The following MEIOB variants were observed in gnomAD, a reference collection of about 807,000 sequenced individuals.
The protein encoded by MEIOB is meiosis-specific with OB domain-containing protein.
MEIOB carries 50 observed loss-of-function variants against 53.1 expected under a neutral mutation model. The observed-to-expected ratio is 0.94, with a 90% CI of 0.75 to 1.19. MEIOB has a LOEUF of 1.19. Among genes scored for constraint, MEIOB ranks in the 50% most tolerant of loss-of-function variants. The pLI is 0.00. For missense variants in MEIOB, 551 were observed against 550.8 expected (o/e 1.00, Z 0.00); for synonymous variants, 192 against 182.5 (o/e 1.05, Z -0.42).
chr16:1,849,389 C>A (rs1899102654), intron 9 of MEIOB, among the ~76,000 whole-genome samples: 3 of 151,750 alleles, frequency 2.0e-5, no homozygotes, highest in African/African-American at 7.3e-5. Context: ...CTAAAAAATA[C>A]AAAAAAATTA....
chr16:1,846,062 T>C (rs1281668258), intron 9 of MEIOB, among the ~76,000 whole-genome samples: 1 of 152,220 alleles, frequency 6.6e-6, no homozygotes, highest in African/African-American at 2.4e-5. Context: ...CTCACATCCA[T>C]CTGACCAGCC....
chr16:1,836,428 G>A (rs1898750479), intron 13 of MEIOB, among the ~76,000 whole-genome samples: 1 of 152,202 alleles, frequency 6.6e-6, no homozygotes, highest in Non-Finnish European at 1.5e-5. Context: ...AGCAAGTGGT[G>A]CCTCCTGTCT....
At chr16:1,865,926 C>G in intron 2 of MEIOB, 91 bp from the exon 3 acceptor site, 5 of 806,362 alleles carry the variant, frequency 6.2e-6, no homozygotes, top group Non-Finnish European at 9.7e-6. Context: ...TTTACTGGCT[C>G]TAACAAACAT....
chr16:1,839,557 T>A (rs543625746), intron 11 of MEIOB, 119 bp from the exon 12 acceptor site: 1 of 857,728 alleles, frequency 1.2e-6, no homozygotes, highest in Non-Finnish European at 1.8e-6. Context: ...TTACTGAGTG[T>A]TCAGTGCTAT....
chr16:1,834,222 T>C lies in MEIOB; in HGVS notation c.*34A>G, dbSNP rs760092071. ...CCATTTTAAAGGGAGTTAAAACTCT[T>C]ATACTTTTCCAGAGTTCAAAATGAT... On this transcript the variant is annotated 3_prime_UTR_variant, in exon 14 of 14. Transcript: ENST00000325962. 8.6e-6 allele frequency: 10 copies of C among 1,162,808 alleles called. No homozygotes were observed. The highest frequency in any genetic ancestry group is 1.3e-5 in the Non-Finnish European group (10 of 781,628). 72.0% of individuals were successfully genotyped at this position (1,162,808 alleles called of 1,614,324 possible). A position where few individuals can be genotyped will look rare whatever the true frequency, so the allele number is the denominator to read the frequency against.
At chr16:1,844,821 G>A (rs543348448) in intron 10 of MEIOB, 41 bp downstream of exon 10, 23 of 1,032,672 alleles carry the variant, frequency 2.2e-5, no homozygotes, top group African/African-American at 6.4e-5. Context: ...GCCCAATTTC[G>A]GCCTTTAAAA....
At chr16:1,852,996 C>A in intron 9 of MEIOB, 43 bp downstream of exon 9, 1 of 1,120,952 alleles carries the variant, frequency 8.9e-7, no homozygotes, top group Admixed American at 1.8e-5. Context: ...GAAATGTGTT[C>A]AGTCATTTCC....
intron 4 of MEIOB, among the ~76,000 whole-genome samples, chr16:1,861,676 G>A (rs903145626): frequency 1.5e-4 from 23 of 151,034 alleles, no homozygotes; most frequent in African/African-American, 5.4e-4. Flanking sequence ...CTTAGTAGCT[G>A]GTACTACAGG....
intron 5 of MEIOB, among the ~76,000 whole-genome samples, chr16:1,858,498 A>G (rs1012370345): frequency 7.9e-5 from 12 of 151,824 alleles, no homozygotes; most frequent in Non-Finnish European, 1.5e-4. Context: ...TCACTTACCT[A>G]CCTCATCACT....
At chr16:1,844,156 T>C (rs1304489989) in intron 10 of MEIOB, among the ~76,000 whole-genome samples, 1 of 149,098 alleles carries the variant, frequency 6.7e-6, no homozygotes, top group Non-Finnish European at 1.5e-5. Context: ...GGGGTCTCGC[T>C]CTGTTGCCCA....
At chr16:1,839,665 C>T in intron 11 of MEIOB, 1 of 450,820 alleles carries the variant, frequency 2.2e-6, no homozygotes, top group Non-Finnish European at 3.9e-6. Flanking sequence ...CCTCTGCCTG[C>T]CCTCCTTCCC....
intron 6 of MEIOB, among the ~76,000 whole-genome samples, chr16:1,856,759 CTTTTTTTT>C (rs3045430): frequency 1.2e-5 from 1 of 84,196 alleles, no homozygotes; most frequent in Admixed American, 1.4e-4. Context: ...CACGCCAGGC[CTTTTTTTT>C]TTTTTTTTTT....
rs745535215 is a variant in MEIOB, at chr16:1,844,891, A to G, written c.851T>C (p.Ile284Thr). ...NKETNVLDDE[I>T]DSYFKESINL... Reference sequence around the variant, plus strand: ...TATGGATTCTTTGAAATAACTGTCAATTTCATCATCCAGAACATTCGTTTC... The same window carrying G: ...TATGGATTCTTTGAAATAACTGTCAGTTTCATCATCCAGAACATTCGTTTC... Residue 284 changes from isoleucine to threonine, a missense_variant, in exon 10 of 14, where the codon ATT (isoleucine) becomes ACT (threonine). Physicochemically the swap from Ile to Thr is moderately conservative, Grantham distance 89 (BLOSUM62 -1). Transcript: ENST00000325962. 9.6e-6 allele frequency: 15 copies of G among 1,559,154 alleles called. No homozygotes were observed. In the South Asian group the frequency reaches 1.4e-4, roughly 14 times the overall value.
intron 6 of MEIOB, among the ~76,000 whole-genome samples, chr16:1,854,698 T>C (rs1453296722): frequency 6.6e-6 from 1 of 152,134 alleles, no homozygotes; most frequent in African/African-American, 2.4e-5. Flanking sequence ...GATATGTCCT[T>C]TGCCTTCTCC....
Position 1,857,805 on chromosome 16 carries a change from A to G in MEIOB, c.458T>C (p.Leu153Pro), listed in dbSNP as rs1272662444. 3.2e-6 allele frequency: 5 copies of G among 1,552,050 alleles called. No homozygotes were observed. Among genetic ancestry groups the G allele is most frequent in the Non-Finnish European group, 1.7e-6 (2 of 1,146,966 alleles). The change falls in exon 6 of 14, where the codon CTG becomes CCG. Residue 153 changes from leucine to proline, a missense_variant. By Grantham distance (98) the Leu-to-Pro change is moderately conservative (BLOSUM62 -3). Coordinates refer to ENST00000325962, the MANE Select transcript of MEIOB (RefSeq NM_001163560.3). ...PVKESHDYYSLGDIVANGHSL... is the reference protein window; with the variant it reads ...PVKESHDYYSPGDIVANGHSL... The stretch of plus-strand genomic sequence containing the variant: ...GTGTCCATTTGCAACAATGTCACCC[A>G]GTGAATAATAATCATGAGACTCTTT...
At chr16:1,854,631 A>C (rs1899256459) in intron 6 of MEIOB, among the ~76,000 whole-genome samples, 1 of 152,198 alleles carries the variant, frequency 6.6e-6, no homozygotes, top group Non-Finnish European at 1.5e-5. Context: ...CTTAGTGAAC[A>C]TCAAATACAG....
At chr16:1,836,470 C>A (rs900416790) in intron 13 of MEIOB, among the ~76,000 whole-genome samples, 1 of 152,144 alleles carries the variant, frequency 6.6e-6, no homozygotes. Flanking sequence ...GGTCAAGGAC[C>A]TAAGCATGCC....
chr16:1,855,495 G>A (rs555616251), intron 6 of MEIOB, among the ~76,000 whole-genome samples: 2 of 152,264 alleles, frequency 1.3e-5, no homozygotes, highest in East Asian at 3.9e-4. Flanking sequence ...AAGCCAAAGG[G>A]GAGATGAAAG....
chr16:1,849,517 G>A (rs1899107147), intron 9 of MEIOB, among the ~76,000 whole-genome samples: 2 of 135,882 alleles, frequency 1.5e-5, no homozygotes, highest in African/African-American at 2.8e-5. Context: ...CTGCACTCCA[G>A]CCTGGGTGAC....
Sources: allele counts gnomAD v4.1 joint callset (sites outside exome capture counted in the v4.1 genomes callset), GRCh38; gene constraint gnomAD v4.1.1; transcripts MANE v1.5; gene names NCBI Gene and HGNC (gene_info 2026-07-23, HGNC 2026-07-21).